Variants in FGF13 observed in about 807,000 individuals in gnomAD.
FGF13 encodes the protein fibroblast growth factor 13.
FGF13 carries 2 observed loss-of-function variants against 19.5 expected under a neutral mutation model. The observed-to-expected ratio is 0.10, with a 90% CI of 0.04 to 0.32. The LOEUF (loss-of-function observed/expected upper bound fraction) is 0.32. Ranked by LOEUF, FGF13 falls within the 10% of genes least tolerant of loss-of-function variation. The pLI, the probability that FGF13 is intolerant of heterozygous loss-of-function variation, is 1.00. For missense variants in FGF13, 113 were observed against 192.7 expected (o/e 0.59, Z 2.45); for synonymous variants, 72 against 76.9 (o/e 0.94, Z 0.33).
At chrX:139,098,270 G>A (rs543635507) in intron 1 of FGF13, among the ~76,000 whole-genome samples, 2 of 111,483 alleles carry the variant, frequency 1.8e-5, no homozygotes, top group Middle Eastern at 9.2e-3. Flanking sequence ...CATCTGTTTT[G>A]TTTTGTTTTT....
At chrX:138,924,037 T>C (rs889666926) in intron 1 of FGF13, among the ~76,000 whole-genome samples, 2 of 112,039 alleles carry the variant, frequency 1.8e-5, no homozygotes, top group Admixed American at 1.9e-4. Flanking sequence ...GAATAACTTG[T>C]TGCAAATGGA....
chrX:138,738,547 C>T (rs1255025040), intron 1 of FGF13, among the ~76,000 whole-genome samples: 1 of 111,750 alleles, frequency 8.9e-6, no homozygotes, highest in Non-Finnish European at 1.9e-5. Flanking sequence ...CTCCGGCAAC[C>T]TTCTCTCAGC....
chrX:138,945,902 CTT>C (rs979566745), intron 1 of FGF13, among the ~76,000 whole-genome samples: 11 of 111,125 alleles, frequency 9.9e-5, no homozygotes, highest in Non-Finnish European at 3.8e-5. Flanking sequence ...ATTTTTTTAA[CTT>C]TATGATTTTT....
intron 1 of FGF13, among the ~76,000 whole-genome samples, chrX:139,012,505 GACC>G (rs762566298): frequency 9.0e-6 from 1 of 111,687 alleles, no homozygotes; most frequent in South Asian, 3.7e-4. Flanking sequence ...TAGGCATCTA[GACC>G]AATTGAACAG....
chrX:138,657,713 T>A (rs1201744987), intron 3 of FGF13, among the ~76,000 whole-genome samples: 2 of 111,901 alleles, frequency 1.8e-5, no homozygotes, highest in Admixed American at 1.9e-4. Context: ...CCACACTTGA[T>A]CTTAGCCAAA....
intron 1 of FGF13, among the ~76,000 whole-genome samples, chrX:139,098,157 A>C (rs746782694): frequency 9.0e-6 from 1 of 111,717 alleles, no homozygotes; most frequent in South Asian, 3.8e-4. Flanking sequence ...GATCAGTGAC[A>C]GCGAGCATGG....
chrX:138,809,738 AGGAAAGTCTCAGG>A (rs2090905366), intron 3 of FGF13, among the ~76,000 whole-genome samples: 2 of 112,226 alleles, frequency 1.8e-5, no homozygotes, highest in African/African-American at 6.5e-5. Context: ...AAGCAACTTC[AGGAAAGTCTCAGG>A]ATACAAAATC....
intron 3 of FGF13, among the ~76,000 whole-genome samples, chrX:138,690,088 T>C (rs2089823700): frequency 9.0e-6 from 1 of 111,696 alleles, no homozygotes; most frequent in East Asian, 2.8e-4. Flanking sequence ...AGAGCTTTAA[T>C]ACATGTGTTT....
At chrX:139,176,380 G>C (rs1007735314) in intron 1 of FGF13, among the ~76,000 whole-genome samples, 3 of 89,023 alleles carry the variant, frequency 3.4e-5, no homozygotes, top group African/African-American at 1.2e-4. Context: ...TTTTTGAAGG[G>C]TTTTTTTTTT....
intron 1 of FGF13, among the ~76,000 whole-genome samples, chrX:138,979,560 T>A (rs1319614453): frequency 9.1e-6 from 1 of 110,089 alleles, no homozygotes; most frequent in African/African-American, 3.3e-5. Flanking sequence ...ATTTCCACAA[T>A]GACCTTTTTC....
intron 3 of FGF13, among the ~76,000 whole-genome samples, chrX:138,808,655 TGGGTTTTGACAAGA>T (rs2090893069): frequency 9.2e-6 from 1 of 109,192 alleles, no homozygotes; most frequent in Non-Finnish European, 1.9e-5. Context: ...ATCCAGGAGC[TGGGTTTTGACAAGA>T]TCAACAAAAT....
At chrX:139,155,348 AT>A (rs2083969070) in intron 1 of FGF13, among the ~76,000 whole-genome samples, 1 of 111,858 alleles carries the variant, frequency 8.9e-6, no homozygotes, top group Admixed American at 9.5e-5. Context: ...TCTAATTTAC[AT>A]GCAATAACAT....
At chrX:139,106,633 A>C (rs1485654643) in intron 1 of FGF13, among the ~76,000 whole-genome samples, 2 of 112,348 alleles carry the variant, frequency 1.8e-5, no homozygotes, top group Non-Finnish European at 3.8e-5. Context: ...TATTTTAATG[A>C]ATCATTTTCT....
intron 1 of FGF13, among the ~76,000 whole-genome samples, chrX:138,970,457 A>C (rs2091911209): frequency 9.0e-6 from 1 of 111,231 alleles, no homozygotes; most frequent in South Asian, 3.9e-4. Flanking sequence ...GAAAGAAGAA[A>C]AACAATATGT....
At chrX:139,002,017 A>AG (rs755102178) in intron 1 of FGF13, among the ~76,000 whole-genome samples, 42 of 111,991 alleles carry the variant, frequency 3.8e-4, no homozygotes, top group Non-Finnish European at 6.6e-4. Flanking sequence ...CCATAAAAAA[A>AG]GGATGAGTTC....
intron 3 of FGF13, among the ~76,000 whole-genome samples, chrX:138,814,992 G>T (rs2124047614): frequency 9.0e-6 from 1 of 111,655 alleles, no homozygotes; most frequent in East Asian, 2.8e-4. Flanking sequence ...TATACACAAT[G>T]AAACAATAAT....
At chrX:139,192,192 G>C (rs139289533) in intron 1 of FGF13, among the ~76,000 whole-genome samples, 448 of 112,236 alleles carry the variant, frequency 4.0e-3, no homozygotes, top group African/African-American at 0.014. Context: ...AGGACACTGA[G>C]AACTCAAAAC....
chrX:138,694,771 C>T (rs1213005646), intron 3 of FGF13, among the ~76,000 whole-genome samples: 2 of 109,916 alleles, frequency 1.8e-5, no homozygotes, highest in African/African-American at 3.3e-5. Context: ...CCCACGTGCC[C>T]GGCCATGTTA....
chrX:139,104,143 C>A (rs1272460939), intron 1 of FGF13, among the ~76,000 whole-genome samples: 5 of 111,125 alleles, frequency 4.5e-5, no homozygotes, highest in Non-Finnish European at 9.4e-5. Context: ...CATAGGAGAT[C>A]TTCAATAAAT....
Sources: gnomAD v4.1 joint callset for allele counts (sites outside exome capture counted in the v4.1 genomes callset) on GRCh38, gnomAD v4.1.1 for gene constraint, MANE v1.5 for transcripts, NCBI Gene and HGNC (gene_info 2026-07-23, HGNC 2026-07-21) for gene names.